The following CNN2 variants were observed in gnomAD, a reference collection of about 807,000 sequenced individuals.
The protein encoded by CNN2 is calponin-2.
Under a neutral mutation model 31.0 loss-of-function variants are expected in CNN2, and 21 were observed. That is an observed-to-expected ratio of 0.68 (90% CI 0.48 to 0.98). The LOEUF (loss-of-function observed/expected upper bound fraction) is 0.98. Ranked by LOEUF, CNN2 falls within the 50% of genes least tolerant of loss-of-function variation. CNN2 has a pLI of 0.00. For missense variants in CNN2, 399 were observed against 427.3 expected, an observed-to-expected ratio of 0.93 and a Z score of 0.58; for synonymous variants, 165 against 179.6, an observed-to-expected ratio of 0.92 and a Z score of 0.65.
At chr19:1,032,082 G>T (rs1346891743) in intron 2 of CNN2, among the ~76,000 whole-genome samples, 1 of 151,972 alleles carries the variant, frequency 6.6e-6, no homozygotes, top group Non-Finnish European at 1.5e-5. Context: ...GCAAAAATTA[G>T]CCGGGTGTGG....
rs1004998640 is a variant in CNN2 at position 1,038,432 on chromosome 19, C to T, written c.*532C>T. 1.3e-5 allele frequency: 2 copies of T among 152,706 alleles called. No homozygotes were observed. Among genetic ancestry groups the T allele is most frequent in the Non-Finnish European group, 2.9e-5 (2 of 68,280 alleles). 9.5% of individuals were successfully genotyped at this position (152,706 alleles called of 1,614,324 possible). ...CCGGCTCCCAAGTGACTGGATTTGC[C>T]TAGGACCTTCAGACCAACAGACTTC... On this transcript the variant is annotated 3_prime_UTR_variant, in exon 7 of 7. Coordinates refer to ENST00000263097, the MANE Select transcript of CNN2 (RefSeq NM_004368.4).
chr19:1,030,397 C>T (rs1004835704), intron 1 of CNN2, among the ~76,000 whole-genome samples: 3 of 152,072 alleles, frequency 2.0e-5, no homozygotes, highest in African/African-American at 4.8e-5. Flanking sequence ...AGGGCTGAGA[C>T]GGGCAGATCA....
chr19:1,036,551 T>C lies in CNN2; in HGVS notation c.643T>C (p.Cys215Arg). ...TISLQMGTNK[C>R]ASQVGMTAPG... ...CAGCCTCCAGATGGGCACGAACAAG[T>C]GTGCCAGCCAGGTGGGGCTCGCCCG... The change falls in exon 6 of 7, where the codon TGT (cysteine) becomes CGT (arginine). Residue 215 changes from cysteine (C) to arginine (R), a missense_variant. Coordinates refer to ENST00000263097, the MANE Select transcript of CNN2 (RefSeq NM_004368.4). 1.2e-6 allele frequency: 2 copies of C among 1,613,498 alleles called. No individual in the cohort carries two copies. Among genetic ancestry groups the C allele is most frequent in the Non-Finnish European group, 1.7e-6 (2 of 1,179,664 alleles).
At chr19:1,028,601 G>C (rs932668081) in intron 1 of CNN2, among the ~76,000 whole-genome samples, 3 of 152,164 alleles carry the variant, frequency 2.0e-5, no homozygotes, top group Non-Finnish European at 4.4e-5. Context: ...GTCCGGACCC[G>C]CTGGGAACAG....
At position 1,026,732 on chromosome 19, in the gene CNN2, A is replaced by AG. The variant is rs2039401991; in HGVS notation, c.63+12dup. 1.3e-6 allele frequency: 2 copies of AG among 1,548,096 alleles called. No homozygotes were observed. Among genetic ancestry groups the AG allele is most frequent in the Non-Finnish European group, 1.7e-6 (2 of 1,146,506 alleles). Reference sequence around the variant, plus strand: ...GCCGAGGTCAAGAACCGGGTGAGTGAGGGGCGCCCCTTGTCCCCCCGACAG... The same window carrying AG: ...GCCGAGGTCAAGAACCGGGTGAGTGAGGGGGCGCCCCTTGTCCCCCCGACAG... On this transcript the variant is annotated intron_variant, in intron 1 of 6. Transcript: ENST00000263097.
chr19:1,036,829 C>CTT, intron 6 of CNN2: 1 of 547,510 alleles, frequency 1.8e-6, no homozygotes, highest in Non-Finnish European at 3.3e-6. Flanking sequence ...CCACCCAATT[C>CTT]TTTTTTTTTA....
chr19:1,028,528 G>A (rs962938023), intron 1 of CNN2, among the ~76,000 whole-genome samples: 1 of 152,172 alleles, frequency 6.6e-6, no homozygotes, highest in Admixed American at 6.5e-5. Flanking sequence ...GTTGACTCCC[G>A]GCTGGACGGC....
chr19:1,027,440 G>A (rs1374850434), intron 1 of CNN2, among the ~76,000 whole-genome samples: 1 of 152,252 alleles, frequency 6.6e-6, no homozygotes, highest in East Asian at 1.9e-4. Context: ...TTTGGGGGGC[G>A]GAGCTGGGTG....
Position 1,032,387 on chromosome 19 carries a change from T to G in CNN2, c.186-5T>G. 6.2e-7 allele frequency: 1 copy of G among 1,613,404 alleles called. No individual in the cohort carries two copies. The highest frequency in any genetic ancestry group is 8.5e-7 in the Non-Finnish European group (1 of 1,179,966). ...GTTTCCCCCGCCCCATGTTGTGCCCTCCAGACTCATGAACAAGCTACAGCC... is the reference window on the plus strand; with the variant it reads ...GTTTCCCCCGCCCCATGTTGTGCCCGCCAGACTCATGAACAAGCTACAGCC... On this transcript the variant is annotated splice_region_variant and splice_polypyrimidine_tract_variant and intron_variant, in intron 2 of 6. Transcript: ENST00000263097.
intron 1 of CNN2, among the ~76,000 whole-genome samples, chr19:1,028,165 A>T (rs1246178884): frequency 6.6e-6 from 1 of 151,524 alleles, no homozygotes; most frequent in Non-Finnish European, 1.5e-5. Context: ...CACAGCCCAC[A>T]AGTGACAGGG....
chr19:1,037,380 C>T, intron 6 of CNN2: 1 of 490,808 alleles, frequency 2.0e-6, no homozygotes, highest in Non-Finnish European at 3.7e-6. Context: ...TCAGGTGATC[C>T]TCCCACCTCA....
intron 4 of CNN2, among the ~76,000 whole-genome samples, chr19:1,033,761 G>A (rs777759965): frequency 1.6e-5 from 1 of 61,642 alleles, no homozygotes; most frequent in African/African-American, 7.2e-5. Context: ...TGGGTGGGAC[G>A]GTGTCTGGTG....
intron 1 of CNN2, among the ~76,000 whole-genome samples, chr19:1,027,502 C>T (rs73920546): frequency 0.022 from 3,341 of 152,284 alleles, 135 homozygotes; most frequent in African/African-American, 0.077. Context: ...ATGGCGAAAC[C>T]CCATCTCTAT....
At chr19:1,026,748 C>T (rs112363728) in intron 1 of CNN2, 24 bp downstream of exon 1, 1 of 1,545,162 alleles carries the variant, frequency 6.5e-7, no homozygotes, top group Non-Finnish European at 8.7e-7. Context: ...GCCCCTTGTC[C>T]CCCCGACAGC....
intron 1 of CNN2, among the ~76,000 whole-genome samples, chr19:1,028,702 G>T (rs1000049566): frequency 4.6e-5 from 7 of 152,198 alleles, no homozygotes; most frequent in African/African-American, 7.2e-5. Context: ...CGGGCAGCGG[G>T]GGGGCGGGGG....
intron 1 of CNN2, among the ~76,000 whole-genome samples, chr19:1,030,519 G>A (rs1184643760): frequency 6.6e-6 from 1 of 152,120 alleles, no homozygotes; most frequent in East Asian, 1.9e-4. Context: ...CCAGCTACTC[G>A]GGAGGCTGAG....
chr19:1,032,551 C>A lies in CNN2; in HGVS notation c.253-8C>A. The A allele has an allele frequency of 6.2e-7, 1 of 1,613,394 alleles. No homozygotes were observed. Among genetic ancestry groups the A allele is most frequent in the Non-Finnish European group, 8.5e-7 (1 of 1,179,828 alleles). On this transcript the variant is annotated splice_region_variant and splice_polypyrimidine_tract_variant and intron_variant, in intron 3 of 6. Transcript: ENST00000263097. ...CCCACTCACTGTCCCTCTCCTGCCT[C>A]TTCCCAGCTAGAAAACCTGTCCAAC...
intron 1 of CNN2, among the ~76,000 whole-genome samples, chr19:1,030,625 C>CA (rs948253510): frequency 1.2e-4 from 18 of 150,566 alleles, no homozygotes; most frequent in Admixed American, 9.3e-4. Flanking sequence ...GACTCTGTCT[C>CA]AAAAAAAATA....
chr19:1,030,349 G>A (rs751039083), intron 1 of CNN2, among the ~76,000 whole-genome samples: 13 of 152,210 alleles, frequency 8.5e-5, no homozygotes, highest in Non-Finnish European at 1.9e-4. Flanking sequence ...GATGGGGGCC[G>A]GGCGCGGTGG....
Sources: gnomAD v4.1 joint callset for allele counts (sites outside exome capture counted in the v4.1 genomes callset) on GRCh38, gnomAD v4.1.1 for gene constraint, MANE v1.5 for transcripts, NCBI Gene and HGNC (gene_info 2026-07-23, HGNC 2026-07-21) for gene names.